Variants in NOVA1 observed in about 807,000 individuals in gnomAD.
The protein encoded by NOVA1 is NOVA alternative splicing regulator 1.
A neutral mutation model predicts 38.0 loss-of-function variants in NOVA1; 7 were observed. The observed-to-expected ratio is 0.18, with a 90% CI of 0.10 to 0.35. The LOEUF is 0.35. Among genes scored for constraint, NOVA1 ranks in the 10% least tolerant of loss-of-function variants. The pLI is 1.00. For synonymous variants in NOVA1, 270 were observed against 232.5 expected, an observed-to-expected ratio of 1.16 and a Z score of -1.47; for missense variants, 460 against 616.0, an observed-to-expected ratio of 0.75 and a Z score of 2.68.
At chr14:26,478,410 T>G (rs1885163199) in intron 3 of NOVA1, among the ~76,000 whole-genome samples, 2 of 151,984 alleles carry the variant, frequency 1.3e-5, no homozygotes. Flanking sequence ...CTTCTATCCC[T>G]AAATGTTTGA....
At chr14:26,520,786 A>G (rs61986516) in intron 2 of NOVA1, among the ~76,000 whole-genome samples, 6,281 of 152,252 alleles carry the variant, frequency 0.041, 188 homozygotes, top group South Asian at 0.097. Flanking sequence ...TGAGACTTAC[A>G]TGGCCAGAGT....
chr14:26,498,042 A>G (rs1449589442), intron 2 of NOVA1, among the ~76,000 whole-genome samples: 1 of 152,162 alleles, frequency 6.6e-6, no homozygotes. Context: ...TTGAATAAAA[A>G]TTCTACTAAT....
At chr14:26,574,310 T>C (rs2138735272) in intron 2 of NOVA1, among the ~76,000 whole-genome samples, 1 of 124,528 alleles carries the variant, frequency 8.0e-6, no homozygotes, top group South Asian at 2.7e-4. Context: ...GTGCTGGGAT[T>C]ACAGGCGTGA....
At chr14:26,523,916 A>G (rs1007883787) in intron 2 of NOVA1, among the ~76,000 whole-genome samples, 2 of 151,776 alleles carry the variant, frequency 1.3e-5, no homozygotes, top group African/African-American at 2.4e-5. Context: ...ATGCCCAGCT[A>G]ATTTTTTTGT....
chr14:26,590,235 T>C (rs920703497), intron 2 of NOVA1, among the ~76,000 whole-genome samples: 4 of 151,922 alleles, frequency 2.6e-5, no homozygotes, highest in African/African-American at 4.8e-5. Flanking sequence ...AGAGAGATGT[T>C]TGTCAGTCAG....
chr14:26,522,956 T>C (rs567253103), intron 2 of NOVA1, among the ~76,000 whole-genome samples: 15 of 152,322 alleles, frequency 9.8e-5, no homozygotes, highest in Non-Finnish European at 2.1e-4. Context: ...ATTCTACTTC[T>C]AGTTGTCCTA....
At chr14:26,511,610 G>A (rs1032127461) in intron 2 of NOVA1, among the ~76,000 whole-genome samples, 2 of 152,042 alleles carry the variant, frequency 1.3e-5, no homozygotes, top group Admixed American at 6.6e-5. Context: ...AAATTAGCTG[G>A]GCGTGGTGGT....
intron 2 of NOVA1, among the ~76,000 whole-genome samples, chr14:26,502,365 T>C (rs1281695959): frequency 1.3e-5 from 2 of 151,878 alleles, no homozygotes; most frequent in East Asian, 1.9e-4. Context: ...GCAGCTGTTC[T>C]TTTGCAATTA....
chr14:26,560,333 A>G (rs998689013), intron 2 of NOVA1, among the ~76,000 whole-genome samples: 1 of 152,166 alleles, frequency 6.6e-6, no homozygotes, highest in Non-Finnish European at 1.5e-5. Context: ...CCTTTATTGA[A>G]TAAGAAAATA....
At chr14:26,469,537 G>A (rs373214247) in intron 4 of NOVA1, among the ~76,000 whole-genome samples, 31 of 152,226 alleles carry the variant, frequency 2.0e-4, no homozygotes, top group African/African-American at 6.7e-4. Context: ...ACTGTTCTAG[G>A]AAGAGGTAAC....
intron 2 of NOVA1, among the ~76,000 whole-genome samples, chr14:26,488,312 T>C (rs1886077720): frequency 6.6e-6 from 1 of 152,188 alleles, no homozygotes; most frequent in African/African-American, 2.4e-5. Context: ...AAAATATTCA[T>C]TCTTCAGAGA....
chr14:26,548,038 C>T (rs913694758), intron 2 of NOVA1, among the ~76,000 whole-genome samples: 1 of 151,814 alleles, frequency 6.6e-6, no homozygotes, highest in Admixed American at 6.6e-5. Flanking sequence ...GCTGTATTGT[C>T]CAAAGATTAT....
intron 2 of NOVA1, 70 bp from the exon 3 acceptor site, chr14:26,480,213 A>C (rs1566461581): frequency 7.3e-7 from 1 of 1,377,336 alleles, no homozygotes. Flanking sequence ...AAAAAGGATG[A>C]TATCATAACG....
At chr14:26,471,103 C>A (rs1033564339) in intron 4 of NOVA1, among the ~76,000 whole-genome samples, 1 of 151,890 alleles carries the variant, frequency 6.6e-6, no homozygotes, top group Non-Finnish European at 1.5e-5. Flanking sequence ...TATTTACTAA[C>A]CACTTTACTG....
chr14:26,582,346 C>A (rs537104940), intron 2 of NOVA1, among the ~76,000 whole-genome samples: 34 of 151,702 alleles, frequency 2.2e-4, no homozygotes, highest in Admixed American at 1.2e-3. Context: ...TTCAGTAAAA[C>A]CCTTGGATAA....
intron 2 of NOVA1, among the ~76,000 whole-genome samples, chr14:26,508,082 G>C (rs1379097209): frequency 2.0e-5 from 3 of 151,954 alleles, no homozygotes; most frequent in Non-Finnish European, 4.4e-5. Flanking sequence ...TGCACTTTTT[G>C]AATAGACATA....
intron 2 of NOVA1, among the ~76,000 whole-genome samples, chr14:26,511,589 T>TA (rs1888093196): frequency 6.6e-6 from 1 of 151,846 alleles, no homozygotes; most frequent in Non-Finnish European, 1.5e-5. Flanking sequence ...CTGTCTCTAC[T>TA]AAAAATACAA....
intron 4 of NOVA1, among the ~76,000 whole-genome samples, chr14:26,458,310 G>C (rs1348629132): frequency 6.6e-6 from 1 of 152,008 alleles, no homozygotes; most frequent in Non-Finnish European, 1.5e-5. Flanking sequence ...ATTTGACCCA[G>C]CAATCTCACC....
chr14:26,596,406 T>G (rs1894193907), intron 1 of NOVA1, among the ~76,000 whole-genome samples: 1 of 152,134 alleles, frequency 6.6e-6, no homozygotes, highest in Non-Finnish European at 1.5e-5. Flanking sequence ...TTTAGAAAAT[T>G]AAGCCAACTC....
Sources: allele counts gnomAD v4.1 joint callset (sites outside exome capture counted in the v4.1 genomes callset), GRCh38; gene constraint gnomAD v4.1.1; transcripts MANE v1.5; gene names NCBI Gene and HGNC (gene_info 2026-07-23, HGNC 2026-07-21).